Variants in CDC42SE2 observed in about 807,000 individuals in gnomAD.
The protein encoded by CDC42SE2 is CDC42 small effector protein 2.
In CDC42SE2, 3 loss-of-function variants were observed where a neutral mutation model predicts 11.5. That is an observed-to-expected ratio of 0.26 (90% CI 0.12 to 0.67). The LOEUF (loss-of-function observed/expected upper bound fraction) is 0.67, where lower values mean the gene tolerates loss of function less well. CDC42SE2 is among the 30% of genes least tolerant of loss of function. The pLI, the probability that CDC42SE2 is intolerant of heterozygous loss-of-function variation, is 0.80. For missense variants in CDC42SE2, 82 were observed against 106.8 expected, an observed-to-expected ratio of 0.77 and a Z score of 1.02; for synonymous variants, 33 against 34.8, an observed-to-expected ratio of 0.95 and a Z score of 0.18.
intron 2 of CDC42SE2, among the ~76,000 whole-genome samples, chr5:131,319,211 A>T (rs1161563666): frequency 6.6e-6 from 1 of 152,090 alleles, no homozygotes; most frequent in African/African-American, 2.4e-5. Context: ...AAAGGTCGAT[A>T]TGACTTTTCC....
At chr5:131,359,178 C>CT in intron 2 of CDC42SE2, 31 bp from the exon 3 acceptor site, 15 of 225,532 alleles carry the variant, frequency 6.7e-5, no homozygotes, top group Non-Finnish European at 9.4e-5. Flanking sequence ...TAAAGTTTAA[C>CT]TTTTTTTTAC....
intron 1 of CDC42SE2, among the ~76,000 whole-genome samples, chr5:131,293,913 T>G (rs1757515767): frequency 6.6e-6 from 1 of 152,132 alleles, no homozygotes; most frequent in Non-Finnish European, 1.5e-5. Flanking sequence ...GTGTCTTAAC[T>G]CCTTATAAAG....
At chr5:131,384,590 G>A (rs1478237822) in intron 3 of CDC42SE2, among the ~76,000 whole-genome samples, 2 of 152,058 alleles carry the variant, frequency 1.3e-5, no homozygotes, top group South Asian at 2.1e-4. Context: ...TCATATCTAA[G>A]GGATCATGGA....
At chr5:131,218,158 AAGGAAGACC>A in the CDC42SE2 span, among the ~76,000 whole-genome samples, 2 of 147,934 alleles carry the variant, frequency 1.4e-5, no homozygotes, top group Non-Finnish European at 3.0e-5. Flanking sequence ...GGCTGGGCAA[AAGGAAGACC>A]CTGTCTCAAA....
chr5:131,220,241 C>G, the CDC42SE2 span, among the ~76,000 whole-genome samples: 1 of 152,158 alleles, frequency 6.6e-6, no homozygotes, highest in Non-Finnish European at 1.5e-5. Flanking sequence ...GATGGAGGCT[C>G]TGTCCCCCAG....
upstream of CDC42SE2, chr5:131,264,015 C>T (rs1004516161): frequency 1.3e-5 from 2 of 151,862 alleles, no homozygotes; most frequent in Non-Finnish European, 2.9e-5. Flanking sequence ...TCTCGCTCCG[C>T]CCAACCCGCG....
At chr5:131,251,030 A>C (rs1382002149) in intron 1 of CDC42SE2, among the ~76,000 whole-genome samples, 1 of 152,198 alleles carries the variant, frequency 6.6e-6, no homozygotes, top group Non-Finnish European at 1.5e-5. Context: ...TCAACCTAAA[A>C]CTGCTTTTAA....
chr5:131,338,123 AAGTTATTATT>A (rs1758621109), intron 2 of CDC42SE2, among the ~76,000 whole-genome samples: 1 of 152,192 alleles, frequency 6.6e-6, no homozygotes, highest in Non-Finnish European at 1.5e-5. Context: ...ATTTTTTAAA[AAGTTATTATT>A]TAGTAACTGT....
At chr5:131,335,091 C>T (rs552176776) in intron 2 of CDC42SE2, among the ~76,000 whole-genome samples, 1 of 152,128 alleles carries the variant, frequency 6.6e-6, no homozygotes, top group Non-Finnish European at 1.5e-5. Context: ...CCTGCTTTCT[C>T]TTGTGGGCAT....
At chr5:131,241,969 T>C (rs1756543900), upstream of CDC42SE2, among the ~76,000 whole-genome samples, 1 of 152,226 alleles carries the variant, frequency 6.6e-6, no homozygotes, top group South Asian at 2.1e-4. Context: ...TTTTTCACTA[T>C]CTTGCCACTT....
intron 2 of CDC42SE2, among the ~76,000 whole-genome samples, chr5:131,336,501 A>T (rs185687555): frequency 2.1e-4 from 32 of 152,220 alleles, no homozygotes; most frequent in Middle Eastern, 3.4e-3. Flanking sequence ...GTATTTCCTG[A>T]ATTTGAATGT....
At chr5:131,316,664 A>T (rs1200189924) in intron 2 of CDC42SE2, among the ~76,000 whole-genome samples, 1 of 152,160 alleles carries the variant, frequency 6.6e-6, no homozygotes, top group Non-Finnish European at 1.5e-5. Flanking sequence ...TATTACGTAG[A>T]TGTGATGTGT....
chr5:131,355,138 C>T (rs895797910), intron 2 of CDC42SE2, among the ~76,000 whole-genome samples: 1 of 152,146 alleles, frequency 6.6e-6, no homozygotes, highest in Admixed American at 6.5e-5. Flanking sequence ...TGGTCCCAAG[C>T]ATTTAGGAAA....
chr5:131,377,465 G>GGCCT (rs1163357340), intron 3 of CDC42SE2, among the ~76,000 whole-genome samples: 2 of 152,166 alleles, frequency 1.3e-5, no homozygotes, highest in African/African-American at 2.4e-5. Context: ...CACCACGCCT[G>GGCCT]GCCTGACTTT....
intron 1 of CDC42SE2, among the ~76,000 whole-genome samples, chr5:131,289,339 C>A (rs1473881554): frequency 6.6e-6 from 1 of 152,162 alleles, no homozygotes; most frequent in Non-Finnish European, 1.5e-5. Context: ...TCACTTTCTA[C>A]TTCTAAGACA....
At chr5:131,264,600 C>T (rs991335573) in intron 1 of CDC42SE2, among the ~76,000 whole-genome samples, 1 of 152,136 alleles carries the variant, frequency 6.6e-6, no homozygotes, top group African/African-American at 2.4e-5. Flanking sequence ...AGCAAAGACA[C>T]CTGGCTCCGG....
chr5:131,272,629 C>A (rs1757017069), intron 1 of CDC42SE2, among the ~76,000 whole-genome samples: 1 of 152,142 alleles, frequency 6.6e-6, no homozygotes, highest in South Asian at 2.1e-4. Flanking sequence ...TGCATCATTT[C>A]CCCATTTCTA....
upstream of CDC42SE2, among the ~76,000 whole-genome samples, chr5:131,240,949 G>GTTTTGTTTTTGT (rs71000979): frequency 2.0e-5 from 3 of 149,130 alleles, no homozygotes; most frequent in South Asian, 2.1e-4. Flanking sequence ...GGTTTTATGG[G>GTTTTGTTTTTGT]TTTTGTTTTT....
chr5:131,383,680 C>T (rs1750391076), intron 3 of CDC42SE2, among the ~76,000 whole-genome samples: 1 of 152,204 alleles, frequency 6.6e-6, no homozygotes. Flanking sequence ...ACTACTTTTA[C>T]AGGCTAAATC....
Sources: gnomAD v4.1 joint callset for allele counts (sites outside exome capture counted in the v4.1 genomes callset) on GRCh38, gnomAD v4.1.1 for gene constraint, MANE v1.5 for transcripts, NCBI Gene and HGNC (gene_info 2026-07-23, HGNC 2026-07-21) for gene names.